SHC3: variants seen among roughly 807,000 people sequenced by gnomAD.
SHC3 encodes the protein SHC adaptor protein 3, also known as SHC-transforming protein 3.
SHC3 carries 15 observed loss-of-function variants against 60.4 expected under a neutral mutation model. That is an observed-to-expected ratio of 0.25 (90% CI 0.17 to 0.38). The LOEUF is 0.38. Among genes scored for constraint, SHC3 ranks in the 10% least tolerant of loss-of-function variants. The pLI is 1.00. For synonymous variants in SHC3, 294 were observed against 325.9 expected (o/e 0.90, Z 1.05); for missense variants, 677 against 786.1 (o/e 0.86, Z 1.66).
chr9:89,153,649 C>T (rs1826578482), intron 1 of SHC3, among the ~76,000 whole-genome samples: 1 of 152,240 alleles, frequency 6.6e-6, no homozygotes, highest in African/African-American at 2.4e-5. Context: ...ACCTCCTGTC[C>T]ACCTCAAGGG....
chr9:89,112,089 A>C (rs1478365792), intron 2 of SHC3, among the ~76,000 whole-genome samples: 1 of 152,220 alleles, frequency 6.6e-6, no homozygotes, highest in African/African-American at 2.4e-5. Context: ...CAGACACCTT[A>C]AAGAATTGGT....
intron 1 of SHC3, among the ~76,000 whole-genome samples, chr9:89,117,497 T>C (rs1826035192): frequency 6.6e-6 from 1 of 152,232 alleles, no homozygotes; most frequent in Non-Finnish European, 1.5e-5. Flanking sequence ...TATTTATCTT[T>C]TTCTTTTAGA....
chr9:89,022,652 A>G (rs915995707), intron 11 of SHC3, among the ~76,000 whole-genome samples: 7 of 152,222 alleles, frequency 4.6e-5, no homozygotes, highest in Admixed American at 1.3e-4. Context: ...ACAAGCATGT[A>G]CAGCTACTGC....
chr9:89,050,706 T>C (rs1824848369), intron 7 of SHC3, among the ~76,000 whole-genome samples: 1 of 152,244 alleles, frequency 6.6e-6, no homozygotes, highest in Admixed American at 6.5e-5. Flanking sequence ...CTCTTTTTTA[T>C]TTCATTATAA....
At chr9:89,157,533 A>G (rs1475705828) in intron 1 of SHC3, among the ~76,000 whole-genome samples, 2 of 152,226 alleles carry the variant, frequency 1.3e-5, no homozygotes, top group Non-Finnish European at 2.9e-5. Flanking sequence ...TTAAGTCACT[A>G]AATTTGTGGT....
At chr9:89,175,043 T>C (rs1826923241) in intron 1 of SHC3, among the ~76,000 whole-genome samples, 1 of 152,258 alleles carries the variant, frequency 6.6e-6, no homozygotes, top group African/African-American at 2.4e-5. Flanking sequence ...TCAATACTCA[T>C]TGGTATTTCT....
At chr9:89,065,457 G>A (rs557639350) in intron 6 of SHC3, 72 bp downstream of exon 6, 1 of 1,494,642 alleles carries the variant, frequency 6.7e-7, no homozygotes, top group Admixed American at 1.7e-5. Context: ...GAGATAACGA[G>A]GACCAGCTTG....
intron 5 of SHC3, among the ~76,000 whole-genome samples, chr9:89,069,896 C>T (rs1308555932): frequency 1.3e-5 from 2 of 152,206 alleles, no homozygotes; most frequent in African/African-American, 4.8e-5. Flanking sequence ...TCCAATGTGC[C>T]AACAGCAATT....
At chr9:89,130,184 G>A (rs1329088942) in intron 1 of SHC3, among the ~76,000 whole-genome samples, 1 of 152,114 alleles carries the variant, frequency 6.6e-6, no homozygotes, top group Non-Finnish European at 1.5e-5. Flanking sequence ...ATTACATAAT[G>A]GTAAAGGGAT....
At chr9:89,106,898 T>C (rs557203031) in intron 2 of SHC3, among the ~76,000 whole-genome samples, 1 of 151,900 alleles carries the variant, frequency 6.6e-6, no homozygotes, top group Non-Finnish European at 1.5e-5. Flanking sequence ...GTTGAGGGAC[T>C]GAACACGAAA....
At chr9:89,038,394 T>A in intron 10 of SHC3, 106 bp from the exon 11 acceptor site, 1 of 1,251,840 alleles carries the variant, frequency 8.0e-7, no homozygotes, top group Non-Finnish European at 1.1e-6. Context: ...CAAAGGCAAC[T>A]CCTCCAGAAG....
intron 1 of SHC3, among the ~76,000 whole-genome samples, chr9:89,114,519 A>G (rs1415204537): frequency 1.3e-5 from 2 of 152,176 alleles, no homozygotes; most frequent in East Asian, 3.9e-4. Context: ...GGTATCGTAA[A>G]TAATCTAGAG....
At chr9:89,041,017 T>C (rs1371621456) in intron 10 of SHC3, among the ~76,000 whole-genome samples, 1 of 152,196 alleles carries the variant, frequency 6.6e-6, no homozygotes, top group Non-Finnish European at 1.5e-5. Context: ...TCCTTCTCTG[T>C]AAAATAAAGA....
intron 6 of SHC3, among the ~76,000 whole-genome samples, chr9:89,061,181 T>C: frequency 6.6e-6 from 1 of 152,192 alleles, no homozygotes. Flanking sequence ...CCTGCCACAG[T>C]GTCATTCGAT....
chr9:89,070,894 A>G (rs956653729), intron 5 of SHC3, among the ~76,000 whole-genome samples: 6 of 152,246 alleles, frequency 3.9e-5, no homozygotes, highest in Admixed American at 1.3e-4. Flanking sequence ...TGACAGCGTG[A>G]GAAGCCTGTG....
rs1826024092 is a variant in SHC3 at position 89,012,381 on chromosome 9, A to C, written c.*1066T>G. On this transcript the variant is annotated 3_prime_UTR_variant, in exon 12 of 12. Transcript: ENST00000375835. Reference sequence around the variant, plus strand: ...TTCCCCCATCCCTCATGCCAGAGGCAGTACCTCAAATGGATTCCAGTGACT... The same window carrying C: ...TTCCCCCATCCCTCATGCCAGAGGCCGTACCTCAAATGGATTCCAGTGACT... 6.6e-6 allele frequency: 1 copy of C among 152,206 alleles called. No homozygotes were observed. The allele number at this position is 152,206 out of a possible 1,614,324, so 9.4% of individuals were successfully genotyped here. A position where few individuals can be genotyped will look rare whatever the true frequency, so the allele number is the denominator to read the frequency against.
rs200494050 is a variant in SHC3 at position 89,069,169 on chromosome 9, C to T, written c.783+2030G>A. On this transcript the variant is annotated intron_variant, in intron 5 of 11. Coordinates refer to ENST00000375835, the MANE Select transcript of SHC3 (RefSeq NM_016848.6). ...CTAAAAATACAAAAAGTTAGCCAGG[C>T]ATGGTGGTGTGTGCCTGTAGTCCCA... 8.5e-5 allele frequency among the ~76,000 whole-genome samples: 13 copies of T among 152,212 alleles called. No homozygotes were observed. In the East Asian group the frequency reaches 2.1e-3, roughly 25 times the overall value.
At chr9:89,156,436 A>G (rs1826624170) in intron 1 of SHC3, among the ~76,000 whole-genome samples, 1 of 152,204 alleles carries the variant, frequency 6.6e-6, no homozygotes, top group African/African-American at 2.4e-5. Context: ...TCCTTAAAAC[A>G]GAGCAGGAAC....
intron 1 of SHC3, among the ~76,000 whole-genome samples, chr9:89,126,611 G>A (rs773595597): frequency 6.6e-6 from 1 of 152,190 alleles, no homozygotes; most frequent in East Asian, 1.9e-4. Context: ...TCTGAGATGG[G>A]TGGGTCTTTC....
Sources: allele counts gnomAD v4.1 joint callset (sites outside exome capture counted in the v4.1 genomes callset), GRCh38; gene constraint gnomAD v4.1.1; transcripts MANE v1.5; gene names NCBI Gene and HGNC (gene_info 2026-07-23, HGNC 2026-07-21).